Variants in RNF185 observed in about 807,000 individuals in gnomAD.
RNF185 encodes the protein ring finger protein 185.
In RNF185, 13 loss-of-function variants were observed where a neutral mutation model predicts 24.9. That is an observed-to-expected ratio of 0.52 (90% confidence interval 0.34 to 0.83). The LOEUF (loss-of-function observed/expected upper bound fraction) is 0.83. RNF185 is among the 40% of genes least tolerant of loss of function. RNF185 has a pLI of 0.01. For synonymous variants in RNF185, 79 were observed against 90.3 expected, an observed-to-expected ratio of 0.88 and a Z score of 0.71; for missense variants, 184 against 244.7, an observed-to-expected ratio of 0.75 and a Z score of 1.65.
Position 31,204,688 on chromosome 22 carries a change from A to C in RNF185, c.*102A>C. On this transcript the variant is annotated 3_prime_UTR_variant, in exon 7 of 7. Transcript: ENST00000326132. ...CTGGCTAATCTTGACTCCTGGAATCAGTGGGATCAGTAACACATCAAGGAG... is the reference window on the plus strand; with the variant it reads ...CTGGCTAATCTTGACTCCTGGAATCCGTGGGATCAGTAACACATCAAGGAG... 1.4e-6 allele frequency: 1 copy of C among 713,916 alleles called. No homozygotes were observed. Among genetic ancestry groups the C allele is most frequent in the Non-Finnish European group, 2.6e-6 (1 of 391,848 alleles). 44.2% of individuals were successfully genotyped at this position (713,916 alleles called of 1,614,324 possible).
chr22:31,167,610 C>CTTTTTTTTTTTT (rs150121453), intron 1 of RNF185, among the ~76,000 whole-genome samples: 1 of 107,364 alleles, frequency 9.3e-6, no homozygotes, highest in African/African-American at 4.0e-5. Context: ...GGGTTTTTTC[C>CTTTTTTTTTTTT]TTTTTTTTTT....
chr22:31,199,101 A>C (rs1174308548), intron 5 of RNF185, among the ~76,000 whole-genome samples: 1 of 8,192 alleles, frequency 1.2e-4, no homozygotes, highest in Non-Finnish European at 1.8e-4. Context: ...CTCTGTCTCA[A>C]AAAAAAAAAA....
chr22:31,202,966 C>T (rs1011950157), intron 6 of RNF185, among the ~76,000 whole-genome samples: 2 of 152,186 alleles, frequency 1.3e-5, no homozygotes, highest in Non-Finnish European at 2.9e-5. Context: ...CCTCTGTTCA[C>T]ATTTGTTTTT....
intron 1 of RNF185, among the ~76,000 whole-genome samples, chr22:31,182,561 A>G (rs2048049999): frequency 1.3e-5 from 2 of 152,142 alleles, no homozygotes; most frequent in African/African-American, 2.4e-5. Flanking sequence ...TGGCCTCCCA[A>G]AGTGCTGGAA....
At chr22:31,202,124 G>A (rs2048268923) in intron 6 of RNF185, among the ~76,000 whole-genome samples, 1 of 152,128 alleles carries the variant, frequency 6.6e-6, no homozygotes, top group African/African-American at 2.4e-5. Context: ...CTGGTCAGAA[G>A]CAGCCTCAGC....
At chr22:31,184,050 G>A (rs1188365188) in intron 1 of RNF185, among the ~76,000 whole-genome samples, 19 of 149,508 alleles carry the variant, frequency 1.3e-4, no homozygotes, top group African/African-American at 4.4e-4. Context: ...GCGGCTGGCC[G>A]GTCGGGGGCT....
At chr22:31,168,319 T>G (rs562944912) in intron 1 of RNF185, among the ~76,000 whole-genome samples, 1 of 152,336 alleles carries the variant, frequency 6.6e-6, no homozygotes, top group South Asian at 2.1e-4. Flanking sequence ...TGCACCCAGC[T>G]TAGTATTTGT....
At chr22:31,183,674 A>C (rs539132127) in intron 1 of RNF185, among the ~76,000 whole-genome samples, 7 of 152,296 alleles carry the variant, frequency 4.6e-5, no homozygotes, top group Middle Eastern at 3.4e-3. Context: ...TGGACACAGC[A>C]CATGTTTCAG....
chr22:31,173,158 T>C (rs2047946313), intron 1 of RNF185, among the ~76,000 whole-genome samples: 1 of 152,094 alleles, frequency 6.6e-6, no homozygotes, highest in Admixed American at 6.6e-5. Flanking sequence ...ATGTTATCTT[T>C]AATAGGGAGA....
intron 1 of RNF185, among the ~76,000 whole-genome samples, chr22:31,175,192 T>C (rs1446826690): frequency 6.6e-6 from 1 of 151,654 alleles, no homozygotes; most frequent in Non-Finnish European, 1.5e-5. Context: ...GCCTGTAATC[T>C]CAGCAATTTG....
rs2048306621 is a variant in RNF185, at chr22:31,205,555, AC to A, written c.*970del. ...CCTCTCCCAGAACCTGCCACAGGAAACTGGGGGCTTTGTCAGGTCAGCCCAA... is the reference window on the plus strand; with the variant it reads ...CCTCTCCCAGAACCTGCCACAGGAAATGGGGGCTTTGTCAGGTCAGCCCAA... On this transcript the variant is annotated 3_prime_UTR_variant, in exon 7 of 7. Transcript: ENST00000326132. The A allele has an allele frequency of 6.6e-6, 1 of 150,986 alleles. No individual in the cohort carries two copies. The highest frequency in any genetic ancestry group is 1.5e-5 in the Non-Finnish European group (1 of 67,664). The allele number at this position is 150,986 out of a possible 1,614,324, so 9.4% of individuals were successfully genotyped here. A position where few individuals can be genotyped will look rare whatever the true frequency, so the allele number is the denominator to read the frequency against.
chr22:31,201,217 C>T (rs2048260480), intron 5 of RNF185, among the ~76,000 whole-genome samples: 1 of 152,230 alleles, frequency 6.6e-6, no homozygotes, highest in South Asian at 2.1e-4. Flanking sequence ...TGACTTATGT[C>T]AGCAGAGTGT....
At chr22:31,188,919 G>A (rs1291070226) in intron 2 of RNF185, among the ~76,000 whole-genome samples, 1 of 146,218 alleles carries the variant, frequency 6.8e-6, no homozygotes, top group African/African-American at 2.5e-5. Context: ...AGGAGATCGA[G>A]ACCATCCTGG....
intron 6 of RNF185, among the ~76,000 whole-genome samples, chr22:31,202,751 T>C (rs976618325): frequency 2.0e-5 from 3 of 151,718 alleles, no homozygotes; most frequent in African/African-American, 7.3e-5. Flanking sequence ...TAGCTGGGAC[T>C]ACAGGCGCCT....
intron 1 of RNF185, among the ~76,000 whole-genome samples, chr22:31,180,203 G>A (rs893635398): frequency 1.3e-5 from 2 of 152,058 alleles, no homozygotes; most frequent in South Asian, 2.1e-4. Flanking sequence ...TGGCTCACAC[G>A]TGTAATCCCA....
intron 1 of RNF185, among the ~76,000 whole-genome samples, chr22:31,171,166 T>TATTTA (rs1240461621): frequency 6.7e-6 from 1 of 149,948 alleles, no homozygotes; most frequent in East Asian, 1.9e-4. Flanking sequence ...CTTATTTATT[T>TATTTA]ATTTATTTAT....
intron 2 of RNF185, among the ~76,000 whole-genome samples, chr22:31,190,427 C>T (rs1007828084): frequency 6.6e-6 from 1 of 152,078 alleles, no homozygotes; most frequent in Non-Finnish European, 1.5e-5. Context: ...GCTGGGATTA[C>T]ACATACGTGC....
intron 5 of RNF185, among the ~76,000 whole-genome samples, chr22:31,198,893 G>C (rs1055843532): frequency 6.7e-6 from 1 of 149,512 alleles, no homozygotes; most frequent in Non-Finnish European, 1.5e-5. Context: ...TCAGGAATTC[G>C]AGACCAGCCT....
At chr22:31,184,174 G>A (rs1292342827) in intron 1 of RNF185, among the ~76,000 whole-genome samples, 1 of 151,846 alleles carries the variant, frequency 6.6e-6, no homozygotes, top group East Asian at 2.0e-4. Flanking sequence ...GCGGCTGCCG[G>A]GCAGAGGGGC....
Sources: allele counts gnomAD v4.1 joint callset (sites outside exome capture counted in the v4.1 genomes callset), GRCh38; gene constraint gnomAD v4.1.1; transcripts MANE v1.5; gene names NCBI Gene and HGNC (gene_info 2026-07-23, HGNC 2026-07-21).